The following ADCY2 variants were observed in gnomAD, a reference collection of about 807,000 sequenced individuals.
The protein encoded by ADCY2 is adenylate cyclase type 2.
In ADCY2, 31 loss-of-function variants were observed where a neutral mutation model predicts 125.2. That is an observed-to-expected ratio of 0.25 (90% CI 0.19 to 0.33). ADCY2 has a LOEUF of 0.33. ADCY2 is among the 10% of genes least tolerant of loss of function. The pLI is 1.00. For missense variants in ADCY2, 904 were observed against 1,418.2 expected (o/e 0.64, Z 5.82); for synonymous variants, 512 against 548.4 (o/e 0.93, Z 0.93).
At chr5:7,724,464 T>C (rs1579359320) in intron 12 of ADCY2, 81 bp from the exon 13 acceptor site, 9 of 1,046,806 alleles carry the variant, frequency 8.6e-6, no homozygotes, top group South Asian at 7.9e-5. Context: ...AGAAAGAAGA[T>C]CGCAAGTCAT....
intron 15 of ADCY2, among the ~76,000 whole-genome samples, chr5:7,752,486 TTC>T: frequency 6.6e-6 from 1 of 152,168 alleles, no homozygotes; most frequent in Non-Finnish European, 1.5e-5. Flanking sequence ...GATTTTTTTT[TTC>T]ATTTTATTAA....
chr5:7,496,927 C>T (rs955492672), intron 2 of ADCY2, among the ~76,000 whole-genome samples: 4 of 152,046 alleles, frequency 2.6e-5, no homozygotes, highest in East Asian at 1.9e-4. Flanking sequence ...TGGCATTAAT[C>T]GTTTTAGGTC....
intron 10 of ADCY2, among the ~76,000 whole-genome samples, chr5:7,710,503 C>G (rs1440478290): frequency 6.6e-6 from 1 of 152,138 alleles, no homozygotes; most frequent in African/African-American, 2.4e-5. Context: ...TGTAGTAGGT[C>G]AGCTGAGGGA....
At chr5:7,456,913 C>T (rs1018640861) in intron 2 of ADCY2, among the ~76,000 whole-genome samples, 1 of 152,084 alleles carries the variant, frequency 6.6e-6, no homozygotes, top group Admixed American at 6.5e-5. Context: ...ATATTTTATT[C>T]TCATTCCGCT....
At chr5:7,412,158 T>TAG (rs1739749684) in intron 1 of ADCY2, among the ~76,000 whole-genome samples, 2 of 152,196 alleles carry the variant, frequency 1.3e-5, no homozygotes, top group Non-Finnish European at 2.9e-5. Flanking sequence ...TATCAGCATC[T>TAG]TCTTGTTCCC....
intron 3 of ADCY2, among the ~76,000 whole-genome samples, chr5:7,535,455 A>C (rs1734784695): frequency 6.6e-6 from 1 of 152,246 alleles, no homozygotes. Flanking sequence ...AGGTGTCTTC[A>C]GAATCTCCAA....
At position 7,660,239 on chromosome 5, in the gene ADCY2, AGAAGGAAGGAAGGAAGGAAG is replaced by A. The variant is rs59646942; in HGVS notation, c.721-30409_721-30390del. 5.5e-3 allele frequency among the ~76,000 whole-genome samples: 558 copies of A among 101,322 alleles called. 5 individuals are homozygous for A. Among genetic ancestry groups the A allele is most frequent in the African/African-American group, 0.017 (409 of 24,500 alleles). 66.5% of individuals were successfully genotyped at this position (101,322 alleles called of 152,430 possible). ...TGGAGGGAGGGAGGGAGGGAGGGAG[AGAAGGAAGGAAGGAAGGAAG>A]GAAGGAAGGAAGGAAGGAAGGAAGG... On this transcript the variant is annotated intron_variant, in intron 4 of 24. Coordinates refer to ENST00000338316, the MANE Select transcript of ADCY2 (RefSeq NM_020546.3).
intron 3 of ADCY2, among the ~76,000 whole-genome samples, chr5:7,531,751 G>T (rs552779590): frequency 6.6e-4 from 101 of 152,114 alleles, no homozygotes; most frequent in African/African-American, 2.4e-3. Context: ...TTGTATTTAG[G>T]GGCCACTCTA....
intron 2 of ADCY2, among the ~76,000 whole-genome samples, chr5:7,474,159 A>G (rs1035421251): frequency 6.6e-6 from 1 of 152,194 alleles, no homozygotes; most frequent in Admixed American, 6.5e-5. Context: ...TTTACAGGTA[A>G]TTGCATTCTA....
chr5:7,772,832 G>A, intron 17 of ADCY2, 100 bp from the exon 18 acceptor site: 2 of 1,162,070 alleles, frequency 1.7e-6, no homozygotes, highest in Non-Finnish European at 2.5e-6. Context: ...CACCTTATAT[G>A]TTGACCAGAT....
rs560127907 is a variant in ADCY2 at position 7,827,879 on chromosome 5, G to A, written c.*1008G>A. The A allele has an allele frequency of 6.6e-6, 1 of 152,528 alleles. No homozygotes were observed. Among genetic ancestry groups the A allele is most frequent in the South Asian group, 2.1e-4 (1 of 4,828 alleles). 9.4% of individuals were successfully genotyped at this position (152,528 alleles called of 1,614,324 possible). A position where few individuals can be genotyped will look rare whatever the true frequency, so the allele number is the denominator to read the frequency against. On this transcript the variant is annotated 3_prime_UTR_variant, in exon 25 of 25. Coordinates refer to ENST00000338316, the MANE Select transcript of ADCY2 (RefSeq NM_020546.3). ...CCACTACGCTCCTGTCTCCAAGAAT[G>A]TTTTGCTAGAGCTAACAGACATAGA...
At chr5:7,589,614 A>G (rs60473132) in intron 3 of ADCY2, among the ~76,000 whole-genome samples, 14,151 of 152,030 alleles carry the variant, frequency 0.093, 901 homozygotes, top group African/African-American at 0.18. Context: ...ATTTTGTAGT[A>G]AGGAAGACAT....
In ADCY2 at chr5:7,766,788, GAATT is replaced by G; in HGVS notation, c.2197_2200del (p.Asn733TyrfsTer15). On this transcript the variant is annotated frameshift_variant, in exon 17 of 25. Transcript: ENST00000338316. LOFTEE classifies it high-confidence loss of function. ...ATCAGGTGGCGATTCTGCGTGCGCA[GAATT>G]TATTTTTCCTCCCGGTAAGAACATT... is the stretch of plus-strand genomic sequence containing the variant. 6.2e-7 allele frequency: 1 copy of G among 1,609,274 alleles called. No homozygotes were observed. Among genetic ancestry groups the G allele is most frequent in the Non-Finnish European group, 8.5e-7 (1 of 1,178,950 alleles).
At position 7,476,893 on chromosome 5, in the gene ADCY2, A is replaced by G. The variant is rs149713100; in HGVS notation, c.409-43845A>G. On this transcript the variant is annotated intron_variant, in intron 2 of 24. Transcript: ENST00000338316. ...AAGTTCACCATCTTTGCTTTTTGCAACTCAGTAATAATATCAGACAGGAGT... is the reference window on the plus strand; with the variant it reads ...AAGTTCACCATCTTTGCTTTTTGCAGCTCAGTAATAATATCAGACAGGAGT... 1.2e-4 allele frequency among the ~76,000 whole-genome samples: 19 copies of G among 152,290 alleles called. No individual in the cohort carries two copies. In the East Asian group the frequency reaches 3.7e-3, roughly 29 times the overall value.
At chr5:7,774,879 A>G (rs972648477) in intron 18 of ADCY2, among the ~76,000 whole-genome samples, 2 of 152,218 alleles carry the variant, frequency 1.3e-5, no homozygotes, top group African/African-American at 2.4e-5. Flanking sequence ...TAATAGGTAT[A>G]CATATTTATG....
At chr5:7,469,505 GTA>G (rs1491424158) in intron 2 of ADCY2, among the ~76,000 whole-genome samples, 2 of 151,932 alleles carry the variant, frequency 1.3e-5, no homozygotes, top group East Asian at 1.9e-4. Flanking sequence ...GGGAGAGAGA[GTA>G]TATATATGTT....
At chr5:7,694,041 CATCTGAACAGAGTGG>C (rs1740808787) in intron 5 of ADCY2, among the ~76,000 whole-genome samples, 1 of 152,204 alleles carries the variant, frequency 6.6e-6, no homozygotes, top group African/African-American at 2.4e-5. Context: ...TCTAGGGGAT[CATCTGAACAGAGTGG>C]AGGGTAAAGC....
chr5:7,744,234 A>G (rs528915749), intron 15 of ADCY2, among the ~76,000 whole-genome samples: 3 of 152,038 alleles, frequency 2.0e-5, no homozygotes, highest in Non-Finnish European at 4.4e-5. Flanking sequence ...GGTGGGGGAA[A>G]AGGGGAGGGA....
chr5:7,536,449 C>T (rs1203906476), intron 3 of ADCY2, among the ~76,000 whole-genome samples: 1 of 152,174 alleles, frequency 6.6e-6, no homozygotes, highest in Admixed American at 6.5e-5. Context: ...GTCATCCCCC[C>T]CACATGCCCC....
Sources: gnomAD v4.1 joint callset for allele counts (sites outside exome capture counted in the v4.1 genomes callset) on GRCh38, gnomAD v4.1.1 for gene constraint, MANE v1.5 for transcripts, NCBI Gene and HGNC (gene_info 2026-07-23, HGNC 2026-07-21) for gene names.